Variants in DPF3 observed in about 807,000 individuals in gnomAD.
DPF3 encodes double PHD fingers 3.
DPF3 carries 18 observed loss-of-function variants against 56.8 expected under a neutral mutation model. The observed-to-expected ratio is 0.32, with a 90% CI of 0.22 to 0.47. The LOEUF is 0.47. Among genes scored for constraint, DPF3 ranks in the 20% least tolerant of loss-of-function variants. The pLI is 1.00. For missense variants in DPF3, 403 were observed against 488.8 expected (o/e 0.82, Z 1.65); for synonymous variants, 188 against 180.2 (o/e 1.04, Z -0.35).
chr14:72,610,654 A>G lies in DPF3; in HGVS notation c.*8643T>C, dbSNP rs115909517. On this transcript the variant is annotated 3_prime_UTR_variant, in exon 11 of 11. Transcript: ENST00000556509. ...GACCGTGTGACGTAGACAGCACAGC[A>G]TCAGGCCAGGAAGGCGCCTGATGAG... Among the ~76,000 whole-genome samples, 3,538 of 152,318 alleles carry G rather than the reference A, an allele frequency of 0.023. 149 individuals carry two copies. Among genetic ancestry groups the G allele is most frequent in the African/African-American group, 0.081 (3,383 of 41,562 alleles).
chr14:72,749,764 C>T (rs1486524514), intron 3 of DPF3, among the ~76,000 whole-genome samples: 2 of 151,924 alleles, frequency 1.3e-5, no homozygotes, highest in Admixed American at 6.6e-5. Context: ...AAGCTATTTG[C>T]CTGCTGCCAT....
intron 8 of DPF3, chr14:72,671,123 C>G (rs1227496094): frequency 6.2e-7 from 1 of 1,613,396 alleles, no homozygotes; most frequent in African/African-American, 1.3e-5. Flanking sequence ...CCCAGAGAGT[C>G]TGTTCCGTGG....
At chr14:72,725,775 G>A (rs1304553478) in intron 4 of DPF3, among the ~76,000 whole-genome samples, 1 of 152,110 alleles carries the variant, frequency 6.6e-6, no homozygotes, top group Non-Finnish European at 1.5e-5. Flanking sequence ...CCCGGGGTGA[G>A]CCACCAGGCA....
intron 1 of DPF3, among the ~76,000 whole-genome samples, chr14:72,824,397 C>T (rs979922306): frequency 5.9e-5 from 9 of 152,224 alleles, no homozygotes; most frequent in African/African-American, 2.2e-4. Context: ...ACCAGTATCT[C>T]CTTTCCCCCC....
intron 1 of DPF3, among the ~76,000 whole-genome samples, chr14:72,805,746 C>G (rs1430255666): frequency 6.6e-6 from 1 of 152,036 alleles, no homozygotes; most frequent in Non-Finnish European, 1.5e-5. Context: ...CTTGGGAGGC[C>G]TGGGTATTAG....
intron 6 of DPF3, among the ~76,000 whole-genome samples, chr14:72,702,126 C>T (rs190489249): frequency 1.7e-4 from 26 of 152,274 alleles, no homozygotes; most frequent in East Asian, 7.7e-4. Flanking sequence ...CCTTGAAGCA[C>T]GTGACTGAAA....
At chr14:72,670,330 A>T in intron 8 of DPF3, 5 of 986,288 alleles carry the variant, frequency 5.1e-6, no homozygotes, top group Non-Finnish European at 6.0e-6. Flanking sequence ...GTGAGGAAAA[A>T]CCAGCAATAA....
At chr14:72,892,293 C>T in intron 1 of DPF3, 1 of 1,535,454 alleles carries the variant, frequency 6.5e-7, no homozygotes, top group Non-Finnish European at 8.7e-7. Context: ...CGAAAGCAAC[C>T]GGCAGCGAGG....
chr14:72,761,811 C>T (rs1000932233), intron 2 of DPF3, among the ~76,000 whole-genome samples: 1 of 151,766 alleles, frequency 6.6e-6, no homozygotes, highest in East Asian at 1.9e-4. Context: ...TGATAAACCT[C>T]TAGTCAGAAT....
intron 8 of DPF3, among the ~76,000 whole-genome samples, chr14:72,669,149 C>G (rs901835614): frequency 2.0e-5 from 3 of 152,214 alleles, no homozygotes; most frequent in African/African-American, 7.2e-5. Flanking sequence ...CTCAGGCTAC[C>G]AGGAAAGCAC....
At chr14:72,696,602 A>G (rs1986423) in intron 6 of DPF3, among the ~76,000 whole-genome samples, 10,584 of 152,300 alleles carry the variant, frequency 0.069, 898 homozygotes, top group African/African-American at 0.2. Context: ...GAAGAGGCAA[A>G]TTGCAGAATC....
At chr14:72,770,631 G>C (rs1263925144) in intron 2 of DPF3, among the ~76,000 whole-genome samples, 1 of 152,232 alleles carries the variant, frequency 6.6e-6, no homozygotes, top group Non-Finnish European at 1.5e-5. Flanking sequence ...AAAGTAAGGA[G>C]TGCGTATAGA....
intron 1 of DPF3, among the ~76,000 whole-genome samples, chr14:72,780,416 G>C (rs1404177437): frequency 6.6e-6 from 1 of 152,184 alleles, no homozygotes; most frequent in Non-Finnish European, 1.5e-5. Context: ...AGAGCTATGT[G>C]CTTGCATGCT....
intron 6 of DPF3, among the ~76,000 whole-genome samples, chr14:72,699,828 C>T (rs963601616): frequency 6.6e-6 from 1 of 152,196 alleles, no homozygotes; most frequent in Non-Finnish European, 1.5e-5. Context: ...TAAGAGACCA[C>T]TGGATTTGGA....
At chr14:72,716,628 G>T (rs1001982710) in intron 5 of DPF3, among the ~76,000 whole-genome samples, 6 of 152,140 alleles carry the variant, frequency 3.9e-5, no homozygotes, top group African/African-American at 1.4e-4. Context: ...AGACAAACAT[G>T]GTGGAGACCA....
chr14:72,800,231 A>G (rs1035242659), intron 1 of DPF3, among the ~76,000 whole-genome samples: 13 of 152,242 alleles, frequency 8.5e-5, no homozygotes, highest in African/African-American at 3.1e-4. Flanking sequence ...AGGAAATTCT[A>G]GCCAGGGAAT....
At chr14:72,800,246 C>T (rs1892815542) in intron 1 of DPF3, among the ~76,000 whole-genome samples, 1 of 152,246 alleles carries the variant, frequency 6.6e-6, no homozygotes, top group African/African-American at 2.4e-5. Context: ...GGGAATGCTA[C>T]AGATGGCAGC....
At chr14:72,821,881 A>G (rs902038751) in intron 1 of DPF3, among the ~76,000 whole-genome samples, 1 of 151,888 alleles carries the variant, frequency 6.6e-6, no homozygotes, top group Admixed American at 6.6e-5. Flanking sequence ...TGTCGTGTGT[A>G]CCTGTAGTCC....
At chr14:72,784,442 G>A (rs985559532) in intron 1 of DPF3, among the ~76,000 whole-genome samples, 1 of 152,104 alleles carries the variant, frequency 6.6e-6, no homozygotes, top group Non-Finnish European at 1.5e-5. Flanking sequence ...ACTGCCGGAG[G>A]GAAATCTCAT....
Sources: gnomAD v4.1 joint callset for allele counts (sites outside exome capture counted in the v4.1 genomes callset) on GRCh38, gnomAD v4.1.1 for gene constraint, MANE v1.5 for transcripts, NCBI Gene and HGNC (gene_info 2026-07-23, HGNC 2026-07-21) for gene names.